IL22RA2: variants seen among roughly 807,000 people sequenced by gnomAD.
IL22RA2 encodes the protein interleukin 22 receptor subunit alpha 2.
IL22RA2 carries 39 observed loss-of-function variants against 30.7 expected under a neutral mutation model. That is an observed-to-expected ratio of 1.27 (90% CI 0.98 to 1.66). The LOEUF (loss-of-function observed/expected upper bound fraction) is 1.66, where lower values mean the gene tolerates loss of function less well. Ranked by LOEUF, IL22RA2 falls within the 40% of genes most tolerant of loss-of-function variation. The pLI is 0.00. For missense variants in IL22RA2, 315 were observed against 312.7 expected, an observed-to-expected ratio of 1.01 and a Z score of -0.05; for synonymous variants, 103 against 105.0, an observed-to-expected ratio of 0.98 and a Z score of 0.11.
chr6:137,161,568 G>A, intron 2 of IL22RA2, 121 bp downstream of exon 2: 1 of 746,008 alleles, frequency 1.3e-6, no homozygotes, highest in Non-Finnish European at 2.3e-6. Context: ...TGATCATTTA[G>A]TGACATCAAA....
intron 5 of IL22RA2, among the ~76,000 whole-genome samples, chr6:137,150,477 CT>C (rs1378084534): frequency 8.0e-6 from 1 of 125,008 alleles, no homozygotes; most frequent in African/African-American, 3.0e-5. Context: ...CTTTTCTTTT[CT>C]GATTTTTTTT....
chr6:137,152,794 T>C (rs1487185857), intron 5 of IL22RA2, among the ~76,000 whole-genome samples: 1 of 152,250 alleles, frequency 6.6e-6, no homozygotes, highest in African/African-American at 2.4e-5. Context: ...AGTTGCTCTA[T>C]GGGCTCTTGA....
At chr6:137,167,486 G>A (rs1778647745) in intron 1 of IL22RA2, among the ~76,000 whole-genome samples, 1 of 152,222 alleles carries the variant, frequency 6.6e-6, no homozygotes, top group Non-Finnish European at 1.5e-5. Flanking sequence ...CGCAGGAAAT[G>A]CAAGGATGGG....
chr6:137,158,068 C>T (rs183206801), intron 3 of IL22RA2, among the ~76,000 whole-genome samples: 1 of 152,072 alleles, frequency 6.6e-6, no homozygotes, highest in African/African-American at 2.4e-5. Flanking sequence ...TATTGAGAAC[C>T]CACCATGTGC....
intron 6 of IL22RA2, among the ~76,000 whole-genome samples, chr6:137,147,452 T>C (rs1276464862): frequency 6.6e-6 from 1 of 151,854 alleles, no homozygotes; most frequent in Admixed American, 6.6e-5. Flanking sequence ...TTTGTGGCAG[T>C]CACATGCAAT....
chr6:137,157,844 C>T (rs921686979), intron 3 of IL22RA2, among the ~76,000 whole-genome samples: 1 of 152,082 alleles, frequency 6.6e-6, no homozygotes, highest in Admixed American at 6.5e-5. Flanking sequence ...GCAGCGTGTT[C>T]CAGTTTGTGT....
chr6:137,157,687 C>A (rs28385770), intron 3 of IL22RA2, among the ~76,000 whole-genome samples: 2 of 151,468 alleles, frequency 1.3e-5, no homozygotes, highest in Admixed American at 6.6e-5. Context: ...CCTCACCCCC[C>A]CAGAAATATA....
chr6:137,167,225 G>A (rs560259365), intron 1 of IL22RA2, among the ~76,000 whole-genome samples: 2 of 152,258 alleles, frequency 1.3e-5, no homozygotes, highest in Non-Finnish European at 2.9e-5. Flanking sequence ...ATAGAGTTCT[G>A]GAAAGTTGAA....
chr6:137,145,531 A>AAAAC lies in IL22RA2; in HGVS notation c.*89_*92dup. 2 of 1,229,098 alleles carry AAAAC rather than the reference A, an allele frequency of 1.6e-6. No homozygotes were observed. Among genetic ancestry groups the AAAAC allele is most frequent in the African/African-American group, 3.0e-5 (2 of 65,624 alleles). The allele number at this position is 1,229,098 out of a possible 1,614,324, so 76.1% of individuals were successfully genotyped here. A position where few individuals can be genotyped will look rare whatever the true frequency, so the allele number is the denominator to read the frequency against. The stretch of plus-strand genomic sequence containing the variant: ...GTGAATATTGCTTTAAGAAAATACA[A>AAAAC]AAACAATTTTAAATAAGATCCTTCA... On this transcript the variant is annotated 3_prime_UTR_variant, in exon 7 of 7. Coordinates refer to ENST00000296980, the MANE Select transcript of IL22RA2 (RefSeq NM_052962.3).
rs10680789 is a variant in IL22RA2 at position 137,147,373 on chromosome 6, TAATAAATAAATA to T, written c.642+337_642+348del. ...ACACCTGGTCTAAAAATAAAATACATAATAAATAAATAAATAAATAAATAAATAAATAAATAA... is the reference window on the plus strand; with the variant it reads ...ACACCTGGTCTAAAAATAAAATACATAATAAATAAATAAATAAATAAATAA... On this transcript the variant is annotated intron_variant, in intron 6 of 6. Transcript: ENST00000296980. Among the ~76,000 whole-genome samples the T allele has an allele frequency of 1.6e-3, 240 of 145,886 alleles. 1 individual carries two copies. The highest frequency in any genetic ancestry group is 5.0e-3 in the African/African-American group (196 of 39,356).
chr6:137,158,402 G>A lies in IL22RA2; in HGVS notation c.142C>T (p.Gln48Ter), dbSNP rs1419760920. ...TTGCCAGTAAGTGCCCTCCCAGGCT[G>A]CCATTGCAAAATGTTGTGAAAATTT... The part of the protein sequence containing the change: ...SRNFHNILQW[Q>*]PGRALTGNSS... The change falls in exon 3 of 7, where the codon CAG becomes TAG. Residue 48 changes from glutamine to a stop codon, truncating the protein, a stop_gained. Transcript: ENST00000296980. LOFTEE classifies it high-confidence loss of function. 6.2e-7 allele frequency: 1 copy of A among 1,614,166 alleles called. No homozygotes were observed. The highest frequency in any genetic ancestry group is 8.5e-7 in the Non-Finnish European group (1 of 1,180,006).
intron 5 of IL22RA2, among the ~76,000 whole-genome samples, chr6:137,152,357 G>C (rs1477803146): frequency 6.6e-6 from 1 of 152,040 alleles, no homozygotes; most frequent in East Asian, 1.9e-4. Flanking sequence ...AATAATATGT[G>C]GTATATCCAT....
At chr6:137,161,573 A>G (rs1292945799) in intron 2 of IL22RA2, 116 bp downstream of exon 2, 6 of 784,530 alleles carry the variant, frequency 7.6e-6, no homozygotes, top group Non-Finnish European at 1.1e-5. Context: ...ATTTAGTGAC[A>G]TCAAAAGCTG....
intron 1 of IL22RA2, among the ~76,000 whole-genome samples, chr6:137,162,473 T>C (rs1163136646): frequency 1.3e-5 from 2 of 152,168 alleles, no homozygotes; most frequent in Non-Finnish European, 2.9e-5. Context: ...GGAGAAAGAT[T>C]TTGAGCCTGT....
In IL22RA2 at chr6:137,145,029, T is replaced by C. The variant is rs1340246721; in HGVS notation, c.*595A>G. The C allele has an allele frequency of 6.6e-6, 1 of 151,788 alleles. No individual in the cohort carries two copies. Among genetic ancestry groups the C allele is most frequent in the Non-Finnish European group, 1.5e-5 (1 of 67,934 alleles). 9.4% of individuals were successfully genotyped at this position (151,788 alleles called of 1,614,324 possible). A position where few individuals can be genotyped will look rare whatever the true frequency, so the allele number is the denominator to read the frequency against. On this transcript the variant is annotated 3_prime_UTR_variant, in exon 7 of 7. Transcript: ENST00000296980. ...GATTTTTTTCCCCAAAACCTGTTCT[T>C]ATTTACATAAAGTAGACTTTAAAAC... is the stretch of plus-strand genomic sequence containing the variant.
intron 1 of IL22RA2, among the ~76,000 whole-genome samples, chr6:137,165,221 G>C (rs1024745297): frequency 6.6e-6 from 1 of 152,230 alleles, no homozygotes; most frequent in Admixed American, 6.5e-5. Flanking sequence ...AAAGGTCTCA[G>C]AGGTTCGCCA....
At chr6:137,164,850 G>A (rs1471742917) in intron 1 of IL22RA2, among the ~76,000 whole-genome samples, 1 of 152,184 alleles carries the variant, frequency 6.6e-6, no homozygotes, top group Non-Finnish European at 1.5e-5. Flanking sequence ...CTCTACTACT[G>A]ATCTCTTAAA....
At chr6:137,146,809 A>G (rs1166423823) in intron 6 of IL22RA2, among the ~76,000 whole-genome samples, 1 of 152,080 alleles carries the variant, frequency 6.6e-6, no homozygotes, top group Non-Finnish European at 1.5e-5. Flanking sequence ...CCCGGGCAAC[A>G]TGGCCAGAGC....
At position 137,154,620 on chromosome 6, in the gene IL22RA2, AAC is replaced by A. The variant is rs10682551; in HGVS notation, c.472+319_472+320del. Among the ~76,000 whole-genome samples the A allele has an allele frequency of 1.0e-2, 1,474 of 148,066 alleles. 4 individuals carry two copies. The highest frequency in any genetic ancestry group is 0.014 in the Non-Finnish European group (955 of 66,642). On this transcript the variant is annotated intron_variant, in intron 5 of 6. Transcript: ENST00000296980. Reference sequence around the variant, plus strand: ...ACAAAGCGAGACCCTGTCACACACAAACACACACACACACACACACACACAAG... The same window carrying A: ...ACAAAGCGAGACCCTGTCACACACAAACACACACACACACACACACACAAG...
Sources: allele counts gnomAD v4.1 joint callset (sites outside exome capture counted in the v4.1 genomes callset), GRCh38; gene constraint gnomAD v4.1.1; transcripts MANE v1.5; gene names NCBI Gene and HGNC (gene_info 2026-07-23, HGNC 2026-07-21).